TSPAN3: variants seen among roughly 807,000 people sequenced by gnomAD.
TSPAN3 encodes tetraspanin 3.
In TSPAN3, 9 loss-of-function variants were observed where a neutral mutation model predicts 31.1. The ratio of observed to expected loss-of-function variants is 0.29; its 90% CI spans 0.17 to 0.50. The LOEUF (loss-of-function observed/expected upper bound fraction) is 0.50. Ranked by LOEUF, TSPAN3 falls within the 20% of genes least tolerant of loss-of-function variation. The probability of loss-of-function intolerance (pLI) is 0.98; values close to 1 mark genes in which losing one functional copy is unlikely to be tolerated. For missense variants in TSPAN3, 252 were observed against 313.5 expected (o/e 0.80, Z 1.48); for synonymous variants, 129 against 114.3 (o/e 1.13, Z -0.82).
At chr15:77,057,728 T>G (rs887757676) in intron 1 of TSPAN3, among the ~76,000 whole-genome samples, 2 of 152,142 alleles carry the variant, frequency 1.3e-5, no homozygotes, top group Non-Finnish European at 2.9e-5. Flanking sequence ...ATGTTAGTGA[T>G]CTCCAGGATT....
At chr15:77,047,039 C>A (rs879193535) in intron 6 of TSPAN3, 112 bp from the exon 7 acceptor site, 1 of 757,130 alleles carries the variant, frequency 1.3e-6, no homozygotes, top group Admixed American at 2.6e-5. Flanking sequence ...TTCAAATCAT[C>A]AAAAAGGCAG....
At chr15:77,064,889 C>A (rs2152697723) in intron 1 of TSPAN3, 1 of 152,338 alleles carries the variant, frequency 6.6e-6, no homozygotes, top group South Asian at 2.1e-4. Flanking sequence ...TTAAAAGTAT[C>A]ATATTACCAC....
At chr15:77,059,350 G>A (rs2076787074) in intron 1 of TSPAN3, among the ~76,000 whole-genome samples, 1 of 152,340 alleles carries the variant, frequency 6.6e-6, no homozygotes, top group Admixed American at 6.5e-5. Flanking sequence ...CCAAAGTGCT[G>A]GGATTACAGG....
chr15:77,053,060 G>T, intron 4 of TSPAN3, 131 bp from the exon 5 acceptor site: 2 of 907,790 alleles, frequency 2.2e-6, no homozygotes, highest in Non-Finnish European at 3.2e-6. Context: ...TGGAAAGTCT[G>T]CATGATCCAA....
chr15:77,052,555 GA>G (rs1181886525), intron 5 of TSPAN3, 87 bp from the exon 6 acceptor site: 3 of 1,309,498 alleles, frequency 2.3e-6, no homozygotes, highest in East Asian at 4.6e-5. Flanking sequence ...TTACAGAAAG[GA>G]AAATGACAGA....
intron 5 of TSPAN3, 55 bp downstream of exon 5, chr15:77,052,722 C>T (rs558969741): frequency 3.8e-6 from 6 of 1,584,026 alleles, no homozygotes; most frequent in African/African-American, 1.3e-5. Context: ...GGTGATAAGA[C>T]ATGGTGAAAA....
chr15:77,065,393 T>A (rs547238925), intron 1 of TSPAN3, among the ~76,000 whole-genome samples: 1 of 152,322 alleles, frequency 6.6e-6, no homozygotes, highest in East Asian at 1.9e-4. Flanking sequence ...TTTCCTTAAT[T>A]ATATACATTC....
chr15:77,048,969 AATTC>A (rs1164325135), intron 6 of TSPAN3, among the ~76,000 whole-genome samples: 2 of 152,192 alleles, frequency 1.3e-5, no homozygotes, highest in Admixed American at 6.5e-5. Context: ...TACCTATCAA[AATTC>A]ATTCATACAT....
rs1236932893 is a variant in TSPAN3, at chr15:77,055,882, T to C, written c.256-19A>G. The C allele has an allele frequency of 1.3e-6, 2 of 1,587,526 alleles. No individual in the cohort carries two copies. The highest frequency in any genetic ancestry group is 1.7e-6 in the Non-Finnish European group (2 of 1,171,834). On this transcript the variant is annotated intron_variant, in intron 2 of 6. Coordinates refer to ENST00000267970, the MANE Select transcript of TSPAN3 (RefSeq NM_005724.6). ...TGACAAACTGTAAGAAAACATGGTT[T>C]AAAATTATATACAAATGAAAAAATA... is the stretch of plus-strand genomic sequence containing the variant.
chr15:77,053,955 G>A (rs907438722), intron 4 of TSPAN3, among the ~76,000 whole-genome samples: 2 of 152,102 alleles, frequency 1.3e-5, no homozygotes, highest in East Asian at 3.8e-4. Context: ...CTGGGGTCAG[G>A]GAAGGGGAAA....
intron 1 of TSPAN3, chr15:77,069,767 G>C (rs2076855252): frequency 6.6e-6 from 1 of 152,438 alleles, no homozygotes; most frequent in African/African-American, 2.4e-5. Flanking sequence ...TGGGAGGGAG[G>C]AGCTGAATGG....
intron 1 of TSPAN3, among the ~76,000 whole-genome samples, chr15:77,067,042 C>T (rs949862260): frequency 6.6e-6 from 1 of 151,770 alleles, no homozygotes; most frequent in Non-Finnish European, 1.5e-5. Flanking sequence ...CCATGAAAAC[C>T]CATTAATCCA....
chr15:77,062,023 G>A (rs1487539298), intron 1 of TSPAN3, among the ~76,000 whole-genome samples: 1 of 152,186 alleles, frequency 6.6e-6, no homozygotes, highest in African/African-American at 2.4e-5. Flanking sequence ...AAAAAATGCT[G>A]TACTCTAGAC....
rs2076678047 is a variant in TSPAN3, at chr15:77,044,546, T to C, written c.*2289A>G. 6.6e-6 allele frequency: 1 copy of C among 152,202 alleles called. No individual in the cohort carries two copies. Among genetic ancestry groups the C allele is most frequent in the Non-Finnish European group, 1.5e-5 (1 of 68,066 alleles). The allele number at this position is 152,202 out of a possible 1,614,324, so 9.4% of individuals were successfully genotyped here. A position where few individuals can be genotyped will look rare whatever the true frequency, so the allele number is the denominator to read the frequency against. On this transcript the variant is annotated 3_prime_UTR_variant, in exon 7 of 7. Coordinates refer to ENST00000267970, the MANE Select transcript of TSPAN3 (RefSeq NM_005724.6). ...AGAGCTACCTCCCCACCTCCATCTTTTTGGTCTCACTGGTAATATGGCCAG... is the reference window on the plus strand; with the variant it reads ...AGAGCTACCTCCCCACCTCCATCTTCTTGGTCTCACTGGTAATATGGCCAG...
rs375139181 is a variant in TSPAN3 at position 77,045,803 on chromosome 15, G to C, written c.*1032C>G. On this transcript the variant is annotated 3_prime_UTR_variant, in exon 7 of 7. Coordinates refer to ENST00000267970, the MANE Select transcript of TSPAN3 (RefSeq NM_005724.6). ...ACTCCTTGAAGACAAGGACAGTATCGCCACTGTATCCCCAGTGCATTGCAC... is the reference window on the plus strand; with the variant it reads ...ACTCCTTGAAGACAAGGACAGTATCCCCACTGTATCCCCAGTGCATTGCAC... 4 of 152,114 alleles carry C rather than the reference G, an allele frequency of 2.6e-5. No individual in the cohort carries two copies. The highest frequency in any genetic ancestry group is 7.2e-5 in the African/African-American group (3 of 41,416). 9.4% of individuals were successfully genotyped at this position (152,114 alleles called of 1,614,324 possible).
intron 1 of TSPAN3, among the ~76,000 whole-genome samples, chr15:77,065,271 G>A (rs888902918): frequency 2.0e-5 from 3 of 151,952 alleles, no homozygotes; most frequent in African/African-American, 7.3e-5. Flanking sequence ...TTGCTTCACC[G>A]GAAAGTAAGT....
At chr15:77,068,394 T>G (rs998654336) in intron 1 of TSPAN3, 2 of 152,196 alleles carry the variant, frequency 1.3e-5, no homozygotes, top group African/African-American at 4.8e-5. Context: ...TTACACAATA[T>G]CCAAAGATTC....
Position 77,071,043 on chromosome 15 carries a change from A to C in TSPAN3, c.-89T>G. The C allele has an allele frequency of 1.0e-6, 1 of 954,958 alleles. No individual in the cohort carries two copies. The highest frequency in any genetic ancestry group is 1.4e-6 in the Non-Finnish European group (1 of 719,924). 59.2% of individuals were successfully genotyped at this position (954,958 alleles called of 1,614,324 possible). On this transcript the variant is annotated 5_prime_UTR_variant, in exon 1 of 7. Coordinates refer to ENST00000267970, the MANE Select transcript of TSPAN3 (RefSeq NM_005724.6). ...ATGGCGGCGGCGCCTCCTCGCTAGG[A>C]ACTGCACGGCCTGCGCGGCGCTCCC...
At chr15:77,065,070 A>AT (rs2076823712) in intron 1 of TSPAN3, among the ~76,000 whole-genome samples, 1 of 152,250 alleles carries the variant, frequency 6.6e-6, no homozygotes, top group Non-Finnish European at 1.5e-5. Flanking sequence ...CTTACAGCCT[A>AT]CAGCCTGTTC....
Sources: gnomAD v4.1 joint callset for allele counts (sites outside exome capture counted in the v4.1 genomes callset) on GRCh38, gnomAD v4.1.1 for gene constraint, MANE v1.5 for transcripts, NCBI Gene and HGNC (gene_info 2026-07-23, HGNC 2026-07-21) for gene names.